Variants in LMLN observed in about 807,000 individuals in gnomAD.
The protein encoded by LMLN is leishmanolysin-like peptidase.
A neutral mutation model predicts 92.3 loss-of-function variants in LMLN; 70 were observed. The ratio of observed to expected loss-of-function variants is 0.76; its 90% CI spans 0.63 to 0.92. The LOEUF (loss-of-function observed/expected upper bound fraction) is 0.92, where lower values mean the gene tolerates loss of function less well. Among genes scored for constraint, LMLN ranks in the 40% least tolerant of loss-of-function variants. The pLI is 0.00. For synonymous variants in LMLN, 308 were observed against 296.2 expected (o/e 1.04, Z -0.41); for missense variants, 691 against 814.6 (o/e 0.85, Z 1.85).
At chr3:198,002,886 G>C in intron 11 of LMLN, 129 bp from the exon 12 acceptor site, 1 of 581,002 alleles carries the variant, frequency 1.7e-6, no homozygotes, top group Non-Finnish European at 3.1e-6. Flanking sequence ...CACTTACAGT[G>C]ATGGCCTCTG....
chr3:197,972,734 A>G lies in LMLN; in HGVS notation c.220-1643A>G, dbSNP rs568649151. On this transcript the variant is annotated intron_variant, in intron 1 of 15. Transcript: ENST00000330198. ...TTTTTTTGTAGCTGGCGTTTAACTT[A>G]ACTGTATTCAAAATTCCAAACTCTT... Among the ~76,000 whole-genome samples, 3 of 151,444 alleles carry G rather than the reference A, an allele frequency of 2.0e-5. No homozygotes were observed. In the South Asian group the frequency reaches 6.2e-4, roughly 32 times the overall value.
At chr3:198,021,363 G>T in intron 12 of LMLN, 83 bp from the exon 14 acceptor site, 1 of 1,185,408 alleles carries the variant, frequency 8.4e-7, no homozygotes, top group Non-Finnish European at 1.2e-6. Flanking sequence ...GCATTAAAGG[G>T]TTGCGAGAAA....
At position 198,031,450 on chromosome 3, in the gene LMLN, G is replaced by A. The variant is rs562400406; in HGVS notation, c.1657-4383G>A. On this transcript the variant is annotated intron_variant, in intron 14 of 15. Transcript: ENST00000330198. The surrounding 1 kb of genome is among the most constrained non-coding windows in gnomAD (Gnocchi z 4.8). Reference sequence around the variant, plus strand: ...TGCTGTGTTGAAGTCCCTTTAGCTGGAAACCTTTGTGCCAAAACAGCACAT... The same window carrying A: ...TGCTGTGTTGAAGTCCCTTTAGCTGAAAACCTTTGTGCCAAAACAGCACAT... Among the ~76,000 whole-genome samples the A allele has an allele frequency of 7.2e-5, 11 of 152,278 alleles. No individual in the cohort carries two copies. In the South Asian group the frequency reaches 2.3e-3, roughly 32 times the overall value.
exon 16 of LMLN, chr3:198,039,062 AC>A (rs948170442): frequency 4.6e-4 from 85 of 184,160 alleles, no homozygotes; most frequent in Admixed American, 8.3e-4. Context: ...CAACCCAACC[AC>A]TTTCATCAGC....
intron 11 of LMLN, among the ~76,000 whole-genome samples, chr3:198,000,287 C>A (rs1349190289): frequency 1.3e-5 from 2 of 152,144 alleles, no homozygotes; most frequent in Non-Finnish European, 2.9e-5. Context: ...CTTACTCTTT[C>A]TAAGACAGTC....
intron 11 of LMLN, among the ~76,000 whole-genome samples, chr3:198,005,286 C>T (rs1560147013): frequency 1.3e-5 from 2 of 150,316 alleles, no homozygotes; most frequent in East Asian, 2.0e-4. Flanking sequence ...GTAAGTTTGA[C>T]ATCTATCTAT....
chr3:197,984,743 C>T (rs1477748522), intron 7 of LMLN, among the ~76,000 whole-genome samples: 1 of 151,852 alleles, frequency 6.6e-6, no homozygotes, highest in African/African-American at 2.4e-5. Flanking sequence ...GCCACTATAT[C>T]CAGCCCTCTG....
chr3:197,980,271 C>T, intron 5 of LMLN, 55 bp from the exon 6 acceptor site: 3 of 1,425,916 alleles, frequency 2.1e-6, no homozygotes, highest in South Asian at 1.3e-5. Flanking sequence ...GATTAAATGC[C>T]ACTACAGCTA....
intron 13 of LMLN, among the ~76,000 whole-genome samples, chr3:198,023,241 G>A (rs1722830843): frequency 6.6e-6 from 1 of 152,064 alleles, no homozygotes; most frequent in African/African-American, 2.4e-5. Flanking sequence ...CCAAGTTGGA[G>A]TGCAGTGGCA....
chr3:198,008,192 CTCT>C (rs1042168230), intron 11 of LMLN, among the ~76,000 whole-genome samples: 4 of 151,990 alleles, frequency 2.6e-5, no homozygotes, highest in African/African-American at 9.7e-5. Context: ...CTGGAGTTTT[CTCT>C]TTTTTCCCCA....
chr3:197,991,513 G>A (rs992436502), intron 9 of LMLN, among the ~76,000 whole-genome samples: 3 of 152,142 alleles, frequency 2.0e-5, no homozygotes, highest in Non-Finnish European at 4.4e-5. Context: ...GTTGCCCTTG[G>A]AGTCCAAAGG....
At chr3:198,024,442 T>C (rs536225001) in intron 13 of LMLN, among the ~76,000 whole-genome samples, 20 of 152,270 alleles carry the variant, frequency 1.3e-4, no homozygotes, top group South Asian at 4.1e-4. Context: ...GTCTCCATCT[T>C]CTGACCTCGT....
intron 11 of LMLN, among the ~76,000 whole-genome samples, chr3:198,014,915 G>C (rs1722579068): frequency 7.3e-6 from 1 of 136,962 alleles, no homozygotes; most frequent in Non-Finnish European, 1.6e-5. Context: ...CCACCCATCA[G>C]AGCCCCCTAA....
chr3:198,013,573 T>C (rs1326856174), intron 11 of LMLN, among the ~76,000 whole-genome samples: 3 of 113,018 alleles, frequency 2.7e-5, no homozygotes, highest in African/African-American at 1.0e-4. Flanking sequence ...GACTTCTCTG[T>C]ACCCTTCAGA....
In LMLN at chr3:198,013,243, C is replaced by T. The variant is rs1183166487; in HGVS notation, c.1233-6010C>T. Among the ~76,000 whole-genome samples, 2 of 107,112 alleles carry T rather than the reference C, an allele frequency of 1.9e-5. 1 individual carries two copies. The highest frequency in any genetic ancestry group is 1.3e-4 in the African/African-American group (2 of 15,754). 70.3% of individuals were successfully genotyped at this position (107,112 alleles called of 152,430 possible). A position where few individuals can be genotyped will look rare whatever the true frequency, so the allele number is the denominator to read the frequency against. On this transcript the variant is annotated intron_variant, in intron 11 of 15. Coordinates refer to ENST00000330198, the Ensembl canonical transcript of LMLN. ...CTTAACTAGTCTGACTTCTCTGTAC[C>T]CTTCAGAGTCCCCTAACTAGTCTGA...
intron 11 of LMLN, among the ~76,000 whole-genome samples, chr3:198,013,568 C>T (rs1722517563): frequency 7.8e-6 from 1 of 128,710 alleles, no homozygotes; most frequent in Non-Finnish European, 1.6e-5. Flanking sequence ...AGTCTGACTT[C>T]TCTGTACCCT....
intron 2 of LMLN, 100 bp downstream of exon 2, chr3:197,974,574 T>C: frequency 1.6e-6 from 1 of 623,426 alleles, no homozygotes; most frequent in Non-Finnish European, 2.7e-6. Flanking sequence ...TAGATAAAAC[T>C]TAAGGACTAG....
intron 1 of LMLN, among the ~76,000 whole-genome samples, chr3:197,970,819 A>T (rs774361013): frequency 6.6e-6 from 1 of 152,254 alleles, no homozygotes; most frequent in African/African-American, 2.4e-5. Context: ...TCTTCTGCAC[A>T]ATAGTCTTTC....
Position 197,984,874 on chromosome 3 carries a change from G to A in LMLN, c.834+826G>A, listed in dbSNP as rs1165103813. ...TATTTTTAGTAGAGATGGGGGTCTCGCCATGTTGCCCAGGCAGGTCTTGAA... is the reference window on the plus strand; with the variant it reads ...TATTTTTAGTAGAGATGGGGGTCTCACCATGTTGCCCAGGCAGGTCTTGAA... On this transcript the variant is annotated intron_variant, in intron 7 of 15. Coordinates refer to ENST00000330198, the Ensembl canonical transcript of LMLN. Among the ~76,000 whole-genome samples, 5 of 151,502 alleles carry A rather than the reference G, an allele frequency of 3.3e-5. No homozygotes were observed. The South Asian group carries it at 1.0e-3, about 32-fold the overall frequency.
Sources: allele counts gnomAD v4.1 joint callset (sites outside exome capture counted in the v4.1 genomes callset), GRCh38; gene constraint gnomAD v4.1.1; non-coding constraint Gnocchi (gnomAD v3.1); transcripts MANE v1.5; gene names NCBI Gene and HGNC (gene_info 2026-07-23, HGNC 2026-07-21).